Variants in ANKRD36 observed in about 807,000 individuals in gnomAD.
ANKRD36 encodes ankyrin repeat domain-containing protein 36A.
Under a neutral mutation model 278.1 loss-of-function variants are expected in ANKRD36, and 179 were observed. The observed-to-expected ratio is 0.64, with a 90% CI of 0.57 to 0.73. The LOEUF (loss-of-function observed/expected upper bound fraction) is 0.73, where lower values mean the gene tolerates loss of function less well. Among genes scored for constraint, ANKRD36 ranks in the 30% least tolerant of loss-of-function variants. The pLI, the probability that ANKRD36 is intolerant of heterozygous loss-of-function variation, is 0.00. For missense variants in ANKRD36, 1,159 were observed against 1,956.7 expected, an observed-to-expected ratio of 0.59 and a Z score of 7.69; for synonymous variants, 320 against 641.1, an observed-to-expected ratio of 0.50 and a Z score of 7.57.
At chr2:97,186,753 G>A (rs555991337) in intron 30 of ANKRD36, among the ~76,000 whole-genome samples, 1 of 151,858 alleles carries the variant, frequency 6.6e-6, no homozygotes, top group African/African-American at 2.4e-5. Flanking sequence ...TACCTTCTCA[G>A]TTACTGGGCA....
chr2:97,201,971 T>C (rs1268961778), intron 46 of ANKRD36, among the ~76,000 whole-genome samples: 4 of 151,886 alleles, frequency 2.6e-5, no homozygotes, highest in Non-Finnish European at 4.4e-5. Context: ...GTTTTCGACA[T>C]ATGAGAAATC....
At position 97,164,304 on chromosome 2, in the gene ANKRD36, T is replaced by G. The variant is rs1317686803; in HGVS notation, c.1451T>G (p.Leu484Ter). ...KANVSPEQPP[L>*]FTHTVKDRDH... ...GTAGTGTCTCCTGAGCAACCGCCTT[T>G]ATTCACGGTAAACATATTTTCTTTA... is the stretch of plus-strand genomic sequence containing the variant. Residue 484 changes from leucine to a stop codon, truncating the protein, a stop_gained, in exon 19 of 76, where the codon TTA becomes TGA. Transcript: ENST00000420699. LOFTEE classifies it high-confidence loss of function. The G allele has an allele frequency of 1.3e-6, 2 of 1,535,536 alleles. No homozygotes were observed. The highest frequency in any genetic ancestry group is 2.4e-5 in the South Asian group (2 of 83,864).
In ANKRD36 at chr2:97,144,564, A is replaced by G. The variant is rs1186440512; in HGVS notation, c.930+18A>G. The G allele has an allele frequency of 1.3e-6, 2 of 1,580,192 alleles. No homozygotes were observed. Among genetic ancestry groups the G allele is most frequent in the African/African-American group, 1.3e-5 (1 of 74,104 alleles). ...CCTTGAAGGTATTATACTCTCATTC[A>G]TATTTTGAATAATTAACTGTATAGT... is the stretch of plus-strand genomic sequence containing the variant. On this transcript the variant is annotated intron_variant, in intron 9 of 75. Coordinates refer to ENST00000420699, the MANE Select transcript of ANKRD36 (RefSeq NM_001354587.1).
chr2:97,195,941 T>C (rs2059632579), intron 40 of ANKRD36, among the ~76,000 whole-genome samples: 5 of 151,944 alleles, frequency 3.3e-5, no homozygotes, highest in Admixed American at 3.3e-4. Context: ...GTGCCATGAG[T>C]GGATGAAGAA....
rs1267446865 is a variant in ANKRD36 at position 97,196,785 on chromosome 2, A to T, written c.2650A>T (p.Thr884Ser). 2 of 1,546,630 alleles carry T rather than the reference A, an allele frequency of 1.3e-6. No homozygotes were observed. Among genetic ancestry groups the T allele is most frequent in the Non-Finnish European group, 1.7e-6 (2 of 1,147,240 alleles). Residue 884 changes from threonine (T) to serine (S), a missense_variant, in exon 42 of 76, where the codon ACA (threonine) becomes TCA (serine). Thr to Ser is a moderately conservative substitution (Grantham distance 58). Coordinates refer to ENST00000420699, the MANE Select transcript of ANKRD36 (RefSeq NM_001354587.1). ...RENKDGEKSRTVSSEKPPGLK... is the reference protein window; with the variant it reads ...RENKDGEKSRSVSSEKPPGLK... The stretch of plus-strand genomic sequence containing the variant: ...AAACAAGGATGGAGAAAAATCTAGG[A>T]CAGGTAATTCTGAAAACAGATTTAA...
chr2:97,181,647 A>T (rs751521076), intron 25 of ANKRD36, 21 bp downstream of exon 25: 10 of 1,603,022 alleles, frequency 6.2e-6, no homozygotes, highest in Non-Finnish European at 7.6e-6. Flanking sequence ...TCTCATTTAT[A>T]TGTTGAACTA....
At chr2:97,116,061 A>G (rs2035236551) in intron 1 of ANKRD36, among the ~76,000 whole-genome samples, 1 of 152,006 alleles carries the variant, frequency 6.6e-6, no homozygotes, top group African/African-American at 2.4e-5. Context: ...TGGTGTTTGT[A>G]AGCCAAATAT....
intron 20 of ANKRD36, among the ~76,000 whole-genome samples, chr2:97,165,350 G>A (rs2050342938): frequency 1.3e-5 from 2 of 152,068 alleles, no homozygotes; most frequent in Middle Eastern, 3.4e-3. Flanking sequence ...TTTGTTTTAT[G>A]ACTGCACCAC....
intron 6 of ANKRD36, among the ~76,000 whole-genome samples, chr2:97,130,688 A>G (rs2039920300): frequency 6.6e-6 from 1 of 152,008 alleles, no homozygotes; most frequent in Non-Finnish European, 1.5e-5. Context: ...TGCTAAGTAT[A>G]CCAAGTCTCT....
intron 1 of ANKRD36, 143 bp from the exon 2 acceptor site, chr2:97,117,921 T>C (rs1186001227): frequency 4.9e-6 from 6 of 1,212,858 alleles, no homozygotes; most frequent in Non-Finnish European, 6.8e-6. Flanking sequence ...GCCTGCTCTT[T>C]CATTAATGTG....
rs1007689268 is a variant in ANKRD36, at chr2:97,124,649, A to C, written c.731+52A>C. 3.3e-6 allele frequency: 5 copies of C among 1,508,650 alleles called. No individual in the cohort carries two copies. In the African/African-American group the frequency reaches 4.2e-5, roughly 13 times the overall value. 93.5% of individuals were successfully genotyped at this position (1,508,650 alleles called of 1,614,324 possible). A position where few individuals can be genotyped will look rare whatever the true frequency, so the allele number is the denominator to read the frequency against. ...GAACACTAAATTGAAGTTTAAAATA[A>C]TTGTAACAATTGCATCTTATATATC... On this transcript the variant is annotated intron_variant, in intron 5 of 75. Transcript: ENST00000420699.
At chr2:97,216,624 C>A in intron 62 of ANKRD36, 1 of 216,250 alleles carries the variant, frequency 4.6e-6, no homozygotes, top group East Asian at 1.4e-4. Flanking sequence ...ATTATCTACT[C>A]AGTTTCAGCA....
chr2:97,140,738 G>A (rs1319961239), intron 6 of ANKRD36, among the ~76,000 whole-genome samples: 2 of 152,024 alleles, frequency 1.3e-5, no homozygotes, highest in African/African-American at 2.4e-5. Context: ...GGGATTGTAC[G>A]AATGTCACAT....
intron 44 of ANKRD36, among the ~76,000 whole-genome samples, chr2:97,199,982 C>T (rs1236205960): frequency 2.0e-5 from 3 of 151,886 alleles, no homozygotes; most frequent in Non-Finnish European, 2.9e-5. Context: ...GATCATGTAG[C>T]ACCTGTTTTG....
At position 97,154,300 on chromosome 2, in the gene ANKRD36, A is replaced by G. The variant is rs557204392; in HGVS notation, c.1194-375A>G. On this transcript the variant is annotated intron_variant, in intron 14 of 75. Transcript: ENST00000420699. ...TTATCAGGTTTACTGCAGTTCAGTAACAAAAGTTGTGTCAGATATCAATTG... is the reference window on the plus strand; with the variant it reads ...TTATCAGGTTTACTGCAGTTCAGTAGCAAAAGTTGTGTCAGATATCAATTG... Among the ~76,000 whole-genome samples the G allele has an allele frequency of 9.1e-3, 1,363 of 149,166 alleles. 1 individual carries two copies. The highest frequency in any genetic ancestry group is 0.032 in the African/African-American group (1,322 of 41,498).
chr2:97,229,774 A>G (rs1433170710), intron 67 of ANKRD36, among the ~76,000 whole-genome samples: 2 of 152,000 alleles, frequency 1.3e-5, no homozygotes, highest in Non-Finnish European at 1.5e-5. Context: ...AGTGGCTGGT[A>G]CCGGTTGTTC....
At chr2:97,135,951 C>T (rs1361971947) in intron 6 of ANKRD36, among the ~76,000 whole-genome samples, 1 of 151,836 alleles carries the variant, frequency 6.6e-6, no homozygotes, top group African/African-American at 2.4e-5. Flanking sequence ...TTCTGTCATA[C>T]AACTCCTAAA....
At position 97,124,516 on chromosome 2, in the gene ANKRD36, T is replaced by A. The variant is rs761286422; in HGVS notation, c.650T>A (p.Leu217Gln). The part of the protein sequence containing the change: ...LGEKDIVILL[L>Q]QHNIDVLSRD... ...GAAAAAGATATAGTCATTCTTCTTC[T>A]GCAGCACAATATTGATGTGCTTTCT... The change falls in exon 5 of 76, where the codon CTG becomes CAG. Residue 217 changes from leucine to glutamine, a missense_variant. Leu to Gln is a moderately radical substitution (Grantham distance 113). Transcript: ENST00000420699. The A allele has an allele frequency of 2.6e-6, 4 of 1,552,916 alleles. No individual in the cohort carries two copies. In the East Asian group the frequency reaches 9.7e-5, roughly 38 times the overall value.
At chr2:97,149,491 A>T in intron 12 of ANKRD36, 130 bp downstream of exon 12, 1 of 736,794 alleles carries the variant, frequency 1.4e-6, no homozygotes, top group Non-Finnish European at 2.0e-6. Context: ...ATTAGAGATA[A>T]CCATTTTAAA....
Sources: allele counts gnomAD v4.1 joint callset (sites outside exome capture counted in the v4.1 genomes callset), GRCh38; gene constraint gnomAD v4.1.1; transcripts MANE v1.5; gene names NCBI Gene and HGNC (gene_info 2026-07-23, HGNC 2026-07-21).